SLC2A13: variants seen among roughly 807,000 people sequenced by gnomAD.
SLC2A13 encodes solute carrier family 2 member 13.
A neutral mutation model predicts 64.4 loss-of-function variants in SLC2A13; 32 were observed. The observed-to-expected ratio is 0.50, with a 90% CI of 0.37 to 0.67. The LOEUF (loss-of-function observed/expected upper bound fraction) is 0.67, where lower values mean the gene tolerates loss of function less well. SLC2A13 is among the 30% of genes least tolerant of loss of function. SLC2A13 has a pLI of 0.00. For missense variants in SLC2A13, 743 were observed against 829.2 expected, an observed-to-expected ratio of 0.90 and a Z score of 1.28; for synonymous variants, 338 against 327.1, an observed-to-expected ratio of 1.03 and a Z score of -0.36.
chr12:39,850,892 C>T (rs1216762915), intron 6 of SLC2A13, among the ~76,000 whole-genome samples: 1 of 151,854 alleles, frequency 6.6e-6, no homozygotes, highest in Non-Finnish European at 1.5e-5. Flanking sequence ...ATTTAGGCCC[C>T]ACAAAGTTAA....
chr12:40,075,743 C>G (rs938013057), intron 1 of SLC2A13, among the ~76,000 whole-genome samples: 1 of 152,082 alleles, frequency 6.6e-6, no homozygotes, highest in African/African-American at 2.4e-5. Flanking sequence ...TGTTAGAAAT[C>G]CAAATATTGT....
intron 4 of SLC2A13, among the ~76,000 whole-genome samples, chr12:39,882,618 T>TGAA (rs1944367839): frequency 6.6e-6 from 1 of 152,154 alleles, no homozygotes; most frequent in Admixed American, 6.6e-5. Flanking sequence ...CAGCCTCAGG[T>TGAA]GAAGTCTTGC....
chr12:39,877,507 C>T (rs1046561595), intron 4 of SLC2A13, among the ~76,000 whole-genome samples: 7 of 152,162 alleles, frequency 4.6e-5, no homozygotes, highest in Non-Finnish European at 4.4e-5. Context: ...CAAACCGTAT[C>T]AATAACTATC....
At chr12:40,085,182 C>T (rs1203990432) in intron 1 of SLC2A13, among the ~76,000 whole-genome samples, 1 of 152,212 alleles carries the variant, frequency 6.6e-6, no homozygotes. Context: ...CTCCTGTGCT[C>T]AGGACCCTTC....
At chr12:40,091,133 T>C (rs1938752398) in intron 1 of SLC2A13, among the ~76,000 whole-genome samples, 1 of 152,212 alleles carries the variant, frequency 6.6e-6, no homozygotes, top group Non-Finnish European at 1.5e-5. Flanking sequence ...GGTATTTTTG[T>C]ATAAACATGG....
At chr12:40,081,747 A>T (rs17458389) in intron 1 of SLC2A13, among the ~76,000 whole-genome samples, 161 of 152,096 alleles carry the variant, frequency 1.1e-3, no homozygotes, top group African/African-American at 3.8e-3. Flanking sequence ...GTAAGATGAC[A>T]CTCTCTGGCT....
intron 2 of SLC2A13, among the ~76,000 whole-genome samples, chr12:40,037,929 T>G (rs1464366491): frequency 1.3e-5 from 2 of 152,218 alleles, no homozygotes; most frequent in African/African-American, 4.8e-5. Context: ...TTTTTATTCT[T>G]AATCAGTTTA....
intron 7 of SLC2A13, among the ~76,000 whole-genome samples, chr12:39,783,805 T>C (rs889030862): frequency 1.3e-5 from 2 of 152,324 alleles, no homozygotes; most frequent in Middle Eastern, 3.4e-3. Context: ...GCAGATGACA[T>C]GACTGTATAT....
chr12:40,086,475 G>A (rs980175636), intron 1 of SLC2A13, among the ~76,000 whole-genome samples: 1 of 152,050 alleles, frequency 6.6e-6, no homozygotes, highest in African/African-American at 2.4e-5. Context: ...GAAATGACAT[G>A]GGCCATCAAA....
At chr12:40,071,935 T>A (rs574671024) in intron 1 of SLC2A13, among the ~76,000 whole-genome samples, 2 of 152,214 alleles carry the variant, frequency 1.3e-5, no homozygotes, top group East Asian at 3.9e-4. Context: ...CACTCCAATA[T>A]TTACTATTTC....
intron 7 of SLC2A13, among the ~76,000 whole-genome samples, chr12:39,802,020 T>C (rs531572223): frequency 6.6e-6 from 1 of 152,124 alleles, no homozygotes; most frequent in Non-Finnish European, 1.5e-5. Flanking sequence ...GAATTTCACA[T>C]AGTGACAATT....
At chr12:39,906,158 C>A (rs189233729) in intron 4 of SLC2A13, among the ~76,000 whole-genome samples, 5 of 152,206 alleles carry the variant, frequency 3.3e-5, no homozygotes, top group Admixed American at 3.3e-4. Context: ...CAACTGAGTT[C>A]ATCTTAGCAC....
At chr12:39,872,106 G>T in intron 4 of SLC2A13, 145 bp from the exon 5 acceptor site, 1 of 617,634 alleles carries the variant, frequency 1.6e-6, no homozygotes, top group Non-Finnish European at 2.5e-6. Context: ...ATTCATGCAA[G>T]CTGTTGAAAA....
chr12:39,911,366 G>A (rs1394835065), intron 4 of SLC2A13, among the ~76,000 whole-genome samples: 1 of 151,884 alleles, frequency 6.6e-6, no homozygotes, highest in African/African-American at 2.4e-5. Context: ...TTTGTTGTTT[G>A]GTCACTAAAT....
At chr12:39,817,830 C>G (rs568234387) in intron 7 of SLC2A13, among the ~76,000 whole-genome samples, 4 of 152,090 alleles carry the variant, frequency 2.6e-5, no homozygotes, top group Non-Finnish European at 5.9e-5. Flanking sequence ...ACTTCAAAGA[C>G]GGTTCCTTGA....
intron 5 of SLC2A13, among the ~76,000 whole-genome samples, chr12:39,866,356 A>G (rs947991067): frequency 2.6e-5 from 4 of 152,064 alleles, no homozygotes; most frequent in Non-Finnish European, 5.9e-5. Context: ...CTGTTTCCTG[A>G]CTCTGTGATC....
intron 5 of SLC2A13, among the ~76,000 whole-genome samples, chr12:39,870,289 C>A (rs559329537): frequency 2.2e-4 from 34 of 152,280 alleles, no homozygotes; most frequent in South Asian, 8.3e-4. Context: ...CAGCTATTAT[C>A]TCTTCTTAGC....
At chr12:39,920,405 G>A (rs1945595085) in intron 4 of SLC2A13, among the ~76,000 whole-genome samples, 1 of 152,102 alleles carries the variant, frequency 6.6e-6, no homozygotes, top group South Asian at 2.1e-4. Context: ...ATATGGAACA[G>A]AGCAAATTCA....
chr12:40,057,976 C>T (rs913394381), intron 1 of SLC2A13, among the ~76,000 whole-genome samples: 1 of 151,916 alleles, frequency 6.6e-6, no homozygotes, highest in Non-Finnish European at 1.5e-5. Flanking sequence ...CAACCACTTA[C>T]AATATTATCT....
Sources: allele counts gnomAD v4.1 joint callset (sites outside exome capture counted in the v4.1 genomes callset), GRCh38; gene constraint gnomAD v4.1.1; transcripts MANE v1.5; gene names NCBI Gene and HGNC (gene_info 2026-07-23, HGNC 2026-07-21).